CSMD1: variants seen among roughly 807,000 people sequenced by gnomAD.
The protein encoded by CSMD1 is CUB and Sushi multiple domains 1.
CSMD1 carries 213 observed loss-of-function variants against 417.5 expected under a neutral mutation model. That is an observed-to-expected ratio of 0.51 (90% CI 0.46 to 0.57). The LOEUF (loss-of-function observed/expected upper bound fraction) is 0.57. CSMD1 is among the 20% of genes least tolerant of loss of function. CSMD1 has a pLI of 0.00. For missense variants in CSMD1, 6,923 were observed against 4,529.7 expected (o/e 1.53, Z -15.17); for synonymous variants, 2,862 against 1,736.8 (o/e 1.65, Z -16.11).
intron 1 of CSMD1, among the ~76,000 whole-genome samples, chr8:4,956,687 CACTT>C (rs1261139408): frequency 6.6e-6 from 1 of 152,060 alleles, no homozygotes; most frequent in Non-Finnish European, 1.5e-5. Flanking sequence ...GATATTCACT[CACTT>C]ACAGTATGAT....
At chr8:2,966,196 AC>A (rs1803938572) in intron 58 of CSMD1, among the ~76,000 whole-genome samples, 2 of 152,242 alleles carry the variant, frequency 1.3e-5, no homozygotes, top group South Asian at 4.2e-4. Context: ...GCTGACTTCC[AC>A]CCCTTGACTA....
chr8:4,441,360 G>A (rs1245695210), intron 2 of CSMD1, among the ~76,000 whole-genome samples: 1 of 143,018 alleles, frequency 7.0e-6, no homozygotes, highest in Non-Finnish European at 1.5e-5. Flanking sequence ...CAATCCTCCT[G>A]TCTGAGCCTC....
chr8:4,202,282 G>T (rs549331256), intron 3 of CSMD1, among the ~76,000 whole-genome samples: 1 of 151,964 alleles, frequency 6.6e-6, no homozygotes, highest in African/African-American at 2.4e-5. Flanking sequence ...TACTGATTAT[G>T]CTTTAAAAAA....
chr8:3,765,772 C>A (rs1287875978), intron 5 of CSMD1, among the ~76,000 whole-genome samples: 1 of 152,128 alleles, frequency 6.6e-6, no homozygotes, highest in African/African-American at 2.4e-5. Flanking sequence ...TTTTGTTTGC[C>A]CCAGCATAGC....
At chr8:4,806,945 A>G (rs1425053318) in intron 1 of CSMD1, among the ~76,000 whole-genome samples, 1 of 152,244 alleles carries the variant, frequency 6.6e-6, no homozygotes, top group African/African-American at 2.4e-5. Context: ...GCTATTATTT[A>G]TGTTCAATTC....
chr8:3,825,702 G>T (rs1395897685), intron 5 of CSMD1, among the ~76,000 whole-genome samples: 1 of 152,156 alleles, frequency 6.6e-6, no homozygotes, highest in Non-Finnish European at 1.5e-5. Context: ...CAAAGACATA[G>T]TAGCTAGCTA....
chr8:2,980,810 G>C (rs1033095214), intron 54 of CSMD1, among the ~76,000 whole-genome samples: 4 of 152,182 alleles, frequency 2.6e-5, no homozygotes, highest in African/African-American at 9.7e-5. Flanking sequence ...CATTAGAATT[G>C]CTTGGAGGAT....
At chr8:3,458,904 C>T (rs1183622422) in intron 12 of CSMD1, among the ~76,000 whole-genome samples, 1 of 152,176 alleles carries the variant, frequency 6.6e-6, no homozygotes, top group African/African-American at 2.4e-5. Flanking sequence ...AAAGGAGCTG[C>T]TGCTGGTAGC....
intron 5 of CSMD1, among the ~76,000 whole-genome samples, chr8:3,834,811 C>T (rs1802582646): frequency 6.6e-6 from 1 of 151,828 alleles, no homozygotes; most frequent in South Asian, 2.1e-4. Context: ...TTTTCACAAC[C>T]TACTCATCTG....
At chr8:3,276,648 C>T (rs1180123076) in intron 26 of CSMD1, among the ~76,000 whole-genome samples, 2 of 152,144 alleles carry the variant, frequency 1.3e-5, no homozygotes, top group Non-Finnish European at 2.9e-5. Context: ...CACAGCCAAA[C>T]CGTATCATTA....
chr8:3,271,728 C>G (rs1481609184), intron 26 of CSMD1, among the ~76,000 whole-genome samples: 7 of 152,102 alleles, frequency 4.6e-5, no homozygotes, highest in Non-Finnish European at 8.8e-5. Flanking sequence ...TAAATGTCTT[C>G]TTTTGAGAAG....
intron 2 of CSMD1, among the ~76,000 whole-genome samples, chr8:4,569,640 T>C (rs1261015775): frequency 6.6e-6 from 1 of 152,164 alleles, no homozygotes; most frequent in Non-Finnish European, 1.5e-5. Context: ...CTTTTTTGGT[T>C]CCACATGACC....
chr8:3,890,873 G>C (rs973459084), intron 5 of CSMD1, among the ~76,000 whole-genome samples: 3 of 152,116 alleles, frequency 2.0e-5, no homozygotes, highest in African/African-American at 4.8e-5. Flanking sequence ...GAGGATGAAA[G>C]AGCAAGATTT....
chr8:3,224,639 C>G (rs149999604), intron 27 of CSMD1, among the ~76,000 whole-genome samples: 1 of 152,110 alleles, frequency 6.6e-6, no homozygotes, highest in Non-Finnish European at 1.5e-5. Flanking sequence ...TTAGAAAGAA[C>G]CACTTTATAT....
At chr8:4,302,703 C>T (rs1798042850) in intron 3 of CSMD1, among the ~76,000 whole-genome samples, 1 of 152,136 alleles carries the variant, frequency 6.6e-6, no homozygotes, top group Admixed American at 6.5e-5. Flanking sequence ...TGTGTATGTG[C>T]CGTGTTTTCA....
At chr8:4,280,908 G>A (rs1481089109) in intron 3 of CSMD1, among the ~76,000 whole-genome samples, 1 of 152,162 alleles carries the variant, frequency 6.6e-6, no homozygotes, top group Non-Finnish European at 1.5e-5. Flanking sequence ...TGTCATGGAA[G>A]TTGCAATTGC....
intron 3 of CSMD1, among the ~76,000 whole-genome samples, chr8:4,247,790 T>A (rs578075251): frequency 1.7e-4 from 26 of 152,222 alleles, no homozygotes; most frequent in African/African-American, 6.3e-4. Flanking sequence ...CTGAAAAAAG[T>A]ACTGTGGGAG....
chr8:3,547,531 A>G (rs1169317327), intron 10 of CSMD1, among the ~76,000 whole-genome samples: 1 of 152,162 alleles, frequency 6.6e-6, no homozygotes, highest in Admixed American at 6.5e-5. Context: ...CAAATAAGAA[A>G]ATATTTTTCC....
chr8:4,837,921 T>C (rs1036420530), intron 1 of CSMD1, among the ~76,000 whole-genome samples: 17 of 151,680 alleles, frequency 1.1e-4, no homozygotes, highest in Admixed American at 4.6e-4. Flanking sequence ...AAAAATAAAC[T>C]AAAAGACAGA....
Sources: gnomAD v4.1 joint callset for allele counts (sites outside exome capture counted in the v4.1 genomes callset) on GRCh38, gnomAD v4.1.1 for gene constraint, MANE v1.5 for transcripts, NCBI Gene and HGNC (gene_info 2026-07-23, HGNC 2026-07-21) for gene names.